The following SLC9A9 variants were observed in gnomAD, a reference collection of about 807,000 sequenced individuals.
The protein encoded by SLC9A9 is solute carrier family 9 member A9.
Under a neutral mutation model 77.8 loss-of-function variants are expected in SLC9A9, and 62 were observed. The observed-to-expected ratio is 0.80, with a 90% CI of 0.65 to 0.98. The LOEUF (loss-of-function observed/expected upper bound fraction) is 0.98, where lower values mean the gene tolerates loss of function less well. Ranked by LOEUF, SLC9A9 falls within the 50% of genes least tolerant of loss-of-function variation. The pLI, the probability that SLC9A9 is intolerant of heterozygous loss-of-function variation, is 0.00. For missense variants in SLC9A9, 775 were observed against 774.9 expected (o/e 1.00, Z 0.00); for synonymous variants, 320 against 283.5 (o/e 1.13, Z -1.29).
Position 143,687,537 on chromosome 3 carries a change from T to G in SLC9A9, c.649+5655A>C, listed in dbSNP as rs150042245. On this transcript the variant is annotated intron_variant, in intron 5 of 15. Transcript: ENST00000316549. ...TGGGTTTCTACCTTATGAGATATCT[T>G]TAGCATTTGTTGATTTGAGGTTGGA... 3.2e-3 allele frequency among the ~76,000 whole-genome samples: 491 copies of G among 152,262 alleles called. 3 individuals carry two copies. Among genetic ancestry groups the G allele is most frequent in the African/African-American group, 0.011 (471 of 41,550 alleles).
intron 9 of SLC9A9, among the ~76,000 whole-genome samples, chr3:143,518,403 A>C (rs2036240405): frequency 6.6e-6 from 1 of 152,246 alleles, no homozygotes; most frequent in South Asian, 2.1e-4. Context: ...GTGAAATATA[A>C]AAACATACAA....
intron 12 of SLC9A9, among the ~76,000 whole-genome samples, chr3:143,428,998 G>A (rs2034457542): frequency 6.6e-6 from 1 of 152,150 alleles, no homozygotes; most frequent in Admixed American, 6.5e-5. Context: ...TTACACAGTA[G>A]GGTGACTACA....
chr3:143,680,651 G>A (rs1933058012), intron 5 of SLC9A9, among the ~76,000 whole-genome samples: 1 of 151,852 alleles, frequency 6.6e-6, no homozygotes, highest in South Asian at 2.1e-4. Context: ...CTTATACTCG[G>A]GCACCTCACA....
At chr3:143,399,775 A>G (rs1399945507) in intron 12 of SLC9A9, among the ~76,000 whole-genome samples, 1 of 152,174 alleles carries the variant, frequency 6.6e-6, no homozygotes, top group Admixed American at 6.5e-5. Context: ...ATATGAACTG[A>G]TATTTTTCCT....
intron 4 of SLC9A9, among the ~76,000 whole-genome samples, chr3:143,711,577 AAATT>A (rs1186601301): frequency 8.6e-5 from 12 of 138,834 alleles, no homozygotes; most frequent in Admixed American, 4.5e-4. Context: ...TTTAAAAAAA[AAATT>A]TTTTTTTTTT....
chr3:143,400,085 T>A (rs1317885315), intron 12 of SLC9A9, among the ~76,000 whole-genome samples: 1 of 152,134 alleles, frequency 6.6e-6, no homozygotes, highest in Non-Finnish European at 1.5e-5. Flanking sequence ...CACCACTGAT[T>A]ATGAGACACA....
intron 14 of SLC9A9, among the ~76,000 whole-genome samples, chr3:143,346,654 G>A (rs894835339): frequency 1.1e-4 from 16 of 152,092 alleles, no homozygotes; most frequent in South Asian, 8.3e-4. Context: ...CTAGCTGGGC[G>A]TGGTGGTGGG....
intron 14 of SLC9A9, among the ~76,000 whole-genome samples, chr3:143,343,190 C>T (rs1207318942): frequency 1.3e-5 from 2 of 152,148 alleles, no homozygotes; most frequent in Non-Finnish European, 2.9e-5. Flanking sequence ...ATCCTATAGA[C>T]TTAATACCAA....
chr3:143,359,713 CA>C (rs1406016305), intron 14 of SLC9A9, among the ~76,000 whole-genome samples: 2 of 152,124 alleles, frequency 1.3e-5, no homozygotes, highest in African/African-American at 2.4e-5. Flanking sequence ...GGGGATATGG[CA>C]ATTTAGGAAT....
intron 4 of SLC9A9, among the ~76,000 whole-genome samples, chr3:143,725,541 G>A (rs1328199841): frequency 2.0e-5 from 3 of 149,008 alleles, no homozygotes; most frequent in Admixed American, 6.7e-5. Context: ...ATACACCATG[G>A]AATACTATGC....
chr3:143,559,084 C>A (rs779936889), intron 8 of SLC9A9, among the ~76,000 whole-genome samples: 1 of 152,106 alleles, frequency 6.6e-6, no homozygotes, highest in African/African-American at 2.4e-5. Context: ...TCTCTCCTGC[C>A]GCCCTGAGAA....
intron 8 of SLC9A9, among the ~76,000 whole-genome samples, chr3:143,559,656 A>T (rs1175702915): frequency 1.3e-5 from 2 of 152,154 alleles, no homozygotes; most frequent in Non-Finnish European, 2.9e-5. Flanking sequence ...TGAAGACAAG[A>T]TAAGCTTATA....
At chr3:143,764,594 T>C (rs2007240834) in intron 4 of SLC9A9, among the ~76,000 whole-genome samples, 1 of 152,214 alleles carries the variant, frequency 6.6e-6, no homozygotes, top group Non-Finnish European at 1.5e-5. Context: ...TGAGGCAGGG[T>C]CTTGCTCTGT....
In SLC9A9 at chr3:143,848,210, A is replaced by G. The variant is rs763394623; in HGVS notation, c.113T>C (p.Ile38Thr). The G allele has an allele frequency of 3.1e-6, 5 of 1,613,988 alleles. No individual in the cohort carries two copies. In the East Asian group the frequency reaches 1.1e-4, roughly 36 times the overall value. Residue 38 changes from isoleucine to threonine, a missense_variant, in exon 1 of 16, where the codon ATC (isoleucine) becomes ACC (threonine). Ile to Thr is a moderately conservative substitution (Grantham distance 89). Transcript: ENST00000316549. Reference sequence around the variant, plus strand: ...GAATCGATGATTTTTAAATAACCAGATTGTCAAAATGGTAAGGATGAGCAA... The same window carrying G: ...GAATCGATGATTTTTAAATAACCAGGTTGTCAAAATGGTAAGGATGAGCAA... ...NFLLILTILT[I>T]WLFKNHRFRF...
At chr3:143,827,237 C>T (rs1415039030) in intron 2 of SLC9A9, among the ~76,000 whole-genome samples, 1 of 152,148 alleles carries the variant, frequency 6.6e-6, no homozygotes, top group African/African-American at 2.4e-5. Flanking sequence ...GGGTTACAAC[C>T]AGTTGCAGGT....
intron 12 of SLC9A9, among the ~76,000 whole-genome samples, chr3:143,443,416 T>G (rs183551908): frequency 6.6e-6 from 1 of 152,206 alleles, no homozygotes; most frequent in African/African-American, 2.4e-5. Flanking sequence ...TGTTTTGTAA[T>G]GTTTTATCTA....
chr3:143,353,810 T>C (rs1371745792), intron 14 of SLC9A9, among the ~76,000 whole-genome samples: 1 of 152,064 alleles, frequency 6.6e-6, no homozygotes, highest in Non-Finnish European at 1.5e-5. Flanking sequence ...GTTAAAATAA[T>C]TGAATAAAAT....
intron 6 of SLC9A9, among the ~76,000 whole-genome samples, chr3:143,626,329 C>T (rs992443612): frequency 7.9e-5 from 12 of 152,156 alleles, no homozygotes; most frequent in Non-Finnish European, 1.3e-4. Flanking sequence ...ATGTTTATTG[C>T]GGCACTATTC....
intron 14 of SLC9A9, among the ~76,000 whole-genome samples, chr3:143,300,800 C>T (rs1451464810): frequency 6.6e-6 from 1 of 152,186 alleles, no homozygotes; most frequent in African/African-American, 2.4e-5. Context: ...TTAAAGCACT[C>T]TTTAGTAAAA....
Sources: gnomAD v4.1 joint callset for allele counts (sites outside exome capture counted in the v4.1 genomes callset) on GRCh38, gnomAD v4.1.1 for gene constraint, MANE v1.5 for transcripts, NCBI Gene and HGNC (gene_info 2026-07-23, HGNC 2026-07-21) for gene names.